The following DDC variants were observed in gnomAD, a reference collection of about 807,000 sequenced individuals.
The protein encoded by DDC is aromatic-L-amino-acid decarboxylase.
DDC carries 43 observed loss-of-function variants against 60.0 expected under a neutral mutation model. The observed-to-expected ratio is 0.72, with a 90% confidence interval of 0.56 to 0.92. The LOEUF (loss-of-function observed/expected upper bound fraction) is 0.92, where lower values mean the gene tolerates loss of function less well. DDC is among the 40% of genes least tolerant of loss of function. The pLI is 0.00. For missense variants in DDC, 573 were observed against 620.2 expected (o/e 0.92, Z 0.81); for synonymous variants, 232 against 234.6 (o/e 0.99, Z 0.10).
rs189965705 is a variant in DDC at position 50,504,909 on chromosome 7, C to T, written c.715-850G>A. ...AGAGTATCATTTACCAGCTTTAATC[C>T]GCTGCCTTTCTCTTTCTGAATGATA... On this transcript the variant is annotated intron_variant, in intron 6 of 14. Coordinates refer to ENST00000444124, the MANE Select transcript of DDC (RefSeq NM_001082971.2). Among the ~76,000 whole-genome samples the T allele has an allele frequency of 7.2e-5, 11 of 152,320 alleles. No homozygotes were observed. The East Asian group carries it at 1.2e-3, about 16-fold the overall frequency.
At chr7:50,513,118 G>A (rs749014043) in intron 6 of DDC, among the ~76,000 whole-genome samples, 3 of 152,168 alleles carry the variant, frequency 2.0e-5, no homozygotes, top group Admixed American at 6.5e-5. Flanking sequence ...GAAGTGAAAT[G>A]CTCCTGCAGG....
intron 4 of DDC, among the ~76,000 whole-genome samples, chr7:50,533,654 C>G (rs776950827): frequency 2.0e-5 from 3 of 151,902 alleles, no homozygotes. Flanking sequence ...TAGAAGATAA[C>G]AAAAAAGGGA....
intron 8 of DDC, among the ~76,000 whole-genome samples, chr7:50,496,908 C>T (rs2043139599): frequency 6.6e-6 from 1 of 152,176 alleles, no homozygotes; most frequent in South Asian, 2.1e-4. Context: ...CTTTCCACTG[C>T]TCTGGAGACC....
chr7:50,505,959 T>A (rs1294800413), intron 6 of DDC, among the ~76,000 whole-genome samples: 1 of 150,952 alleles, frequency 6.6e-6, no homozygotes. Context: ...TTCCTCACAG[T>A]CCCCAAGGGG....
intron 4 of DDC, among the ~76,000 whole-genome samples, chr7:50,534,160 ATAAATTCCCCTACACTCCCTTGTACC>A (rs1446414441): frequency 1.3e-5 from 2 of 152,142 alleles, no homozygotes; most frequent in African/African-American, 4.8e-5. Context: ...CTTGACCAAG[ATAAATTCCCCTACACTCCCTTGTACC>A]TACTCCTTAT....
chr7:50,530,829 G>A (rs2044181385), intron 4 of DDC, among the ~76,000 whole-genome samples: 2 of 152,108 alleles, frequency 1.3e-5, no homozygotes, highest in African/African-American at 4.8e-5. Flanking sequence ...AACATGATAG[G>A]TTTTTACAGA....
chr7:50,462,768 G>GTTTTTTTTTTTTTT (rs11302809), intron 14 of DDC, among the ~76,000 whole-genome samples: 10 of 98,364 alleles, frequency 1.0e-4, no homozygotes, highest in African/African-American at 2.0e-4. Flanking sequence ...TCTTCTTCTT[G>GTTTTTTTTTTTTTT]TTTTTTTTTT....
intron 4 of DDC, among the ~76,000 whole-genome samples, chr7:50,535,290 G>A (rs2044364432): frequency 6.6e-6 from 1 of 152,096 alleles, no homozygotes; most frequent in East Asian, 1.9e-4. Context: ...GGGATTATAG[G>A]TGCCCGCCAC....
intron 9 of DDC, among the ~76,000 whole-genome samples, chr7:50,494,278 A>C (rs1364100815): frequency 6.6e-6 from 1 of 152,122 alleles, no homozygotes; most frequent in Non-Finnish European, 1.5e-5. Context: ...GAGGCCGAGG[A>C]GGGTGGATCA....
chr7:50,468,735 C>G (rs906985058), intron 12 of DDC, among the ~76,000 whole-genome samples: 6 of 152,122 alleles, frequency 3.9e-5, no homozygotes, highest in Non-Finnish European at 8.8e-5. Flanking sequence ...AGGGCTGTTA[C>G]CATCACTAAG....
At chr7:50,471,544 G>A (rs555018175) in intron 11 of DDC, among the ~76,000 whole-genome samples, 21 of 152,258 alleles carry the variant, frequency 1.4e-4, no homozygotes, top group Non-Finnish European at 2.9e-4. Flanking sequence ...ATTCAGTGTG[G>A]TTCCCCCCAG....
At chr7:50,553,331 T>C (rs554275830) in intron 1 of DDC, among the ~76,000 whole-genome samples, 19 of 152,148 alleles carry the variant, frequency 1.2e-4, no homozygotes, top group Non-Finnish European at 2.4e-4. Context: ...GGAGCCATAG[T>C]TTATGTCTCA....
rs2043194895 is a variant in DDC, at chr7:50,499,230, T to A, written c.794A>T (p.Asp265Val). Reference protein sequence around the residue: ...LEVGPICNKEDIWLHVDAAYA... With the variant: ...LEVGPICNKEVIWLHVDAAYA... The stretch of plus-strand genomic sequence containing the variant: ...GGCTGCATCAACGTGCAGCCATATG[T>A]CTTCCTTGTTGCCTAAAGTTCAGAA... Residue 265 changes from aspartate to valine, a missense_variant, in exon 8 of 15, where the codon GAC (aspartate) becomes GTC (valine). Physicochemically the swap from Asp to Val is radical, Grantham distance 152. Coordinates refer to ENST00000444124, the MANE Select transcript of DDC (RefSeq NM_001082971.2). 6.2e-7 allele frequency: 1 copy of A among 1,612,906 alleles called. No individual in the cohort carries two copies. The highest frequency in any genetic ancestry group is 8.5e-7 in the Non-Finnish European group (1 of 1,179,576).
intron 6 of DDC, among the ~76,000 whole-genome samples, chr7:50,506,081 T>A (rs1387893685): frequency 6.6e-6 from 1 of 151,998 alleles, no homozygotes; most frequent in African/African-American, 2.4e-5. Flanking sequence ...AGGGCAAGGG[T>A]GAGCAGGATT....
chr7:50,490,805 G>T (rs1374340585), intron 9 of DDC, among the ~76,000 whole-genome samples: 1 of 152,144 alleles, frequency 6.6e-6, no homozygotes, highest in African/African-American at 2.4e-5. Flanking sequence ...AACCTATATG[G>T]CAAATGATTA....
chr7:50,493,935 T>G (rs2043065274), intron 9 of DDC, among the ~76,000 whole-genome samples: 1 of 152,216 alleles, frequency 6.6e-6, no homozygotes, highest in Non-Finnish European at 1.5e-5. Flanking sequence ...AGTTATTCAC[T>G]TAATTACATA....
chr7:50,509,232 C>T (rs2043484437), intron 6 of DDC, among the ~76,000 whole-genome samples: 1 of 152,120 alleles, frequency 6.6e-6, no homozygotes, highest in Non-Finnish European at 1.5e-5. Context: ...CCTCTCTGAT[C>T]CGATACCTAC....
At chr7:50,512,548 C>A (rs1212976194) in intron 6 of DDC, among the ~76,000 whole-genome samples, 1 of 152,190 alleles carries the variant, frequency 6.6e-6, no homozygotes, top group Non-Finnish European at 1.5e-5. Context: ...AGGCCCATGG[C>A]ACATAGCTGA....
chr7:50,499,121 C>T (rs1295830650), intron 8 of DDC, 27 bp downstream of exon 8: 2 of 1,569,810 alleles, frequency 1.3e-6, no homozygotes, highest in Non-Finnish European at 1.8e-6. Context: ...TGAAAACAGC[C>T]TTAGGGAGAG....
Sources: gnomAD v4.1 joint callset for allele counts (sites outside exome capture counted in the v4.1 genomes callset) on GRCh38, gnomAD v4.1.1 for gene constraint, MANE v1.5 for transcripts, NCBI Gene and HGNC (gene_info 2026-07-23, HGNC 2026-07-21) for gene names.